The following GLIS1 variants were observed in gnomAD, a reference collection of about 807,000 sequenced individuals.
GLIS1 encodes the protein GLIS family zinc finger 1.
In GLIS1, 24 loss-of-function variants were observed where a neutral mutation model predicts 63.8. That is an observed-to-expected ratio of 0.38 (90% CI 0.27 to 0.53). The LOEUF (loss-of-function observed/expected upper bound fraction) is 0.53, where lower values mean the gene tolerates loss of function less well. Ranked by LOEUF, GLIS1 falls within the 20% of genes least tolerant of loss-of-function variation. GLIS1 has a pLI of 0.85. For missense variants in GLIS1, 1,036 were observed against 1,074.1 expected (o/e 0.96, Z 0.50); for synonymous variants, 450 against 482.5 (o/e 0.93, Z 0.88).
intron 4 of GLIS1, among the ~76,000 whole-genome samples, chr1:53,592,455 G>C (rs1037283580): frequency 1.3e-5 from 2 of 152,100 alleles, no homozygotes; most frequent in African/African-American, 4.8e-5. Context: ...ACCCATAAAA[G>C]AGAATATGTG....
intron 4 of GLIS1, among the ~76,000 whole-genome samples, chr1:53,544,684 T>C (rs1430157637): frequency 1.3e-5 from 2 of 152,182 alleles, no homozygotes; most frequent in African/African-American, 4.8e-5. Flanking sequence ...CCTGTTACAC[T>C]GACCACTTGG....
chr1:53,656,590 C>T (rs1645967913), intron 2 of GLIS1, among the ~76,000 whole-genome samples: 1 of 152,216 alleles, frequency 6.6e-6, no homozygotes, highest in East Asian at 1.9e-4. Context: ...TAGACTTCTC[C>T]TCGTGCGATT....
At chr1:53,692,942 C>G (rs995530751) in intron 2 of GLIS1, among the ~76,000 whole-genome samples, 1 of 152,192 alleles carries the variant, frequency 6.6e-6, no homozygotes, top group African/African-American at 2.4e-5. Flanking sequence ...CTCCCAGGGG[C>G]CCATCCCATC....
chr1:53,635,613 T>C (rs1034285365), intron 2 of GLIS1, among the ~76,000 whole-genome samples: 1 of 148,366 alleles, frequency 6.7e-6, no homozygotes, highest in Non-Finnish European at 1.5e-5. Context: ...ATATAGAAAA[T>C]ATATATACAC....
chr1:53,535,377 C>A (rs1003588770), intron 4 of GLIS1, among the ~76,000 whole-genome samples: 3 of 152,040 alleles, frequency 2.0e-5, no homozygotes, highest in African/African-American at 7.3e-5. Context: ...TTACTAAGCA[C>A]CTACCGTGAG....
chr1:53,712,183 C>T (rs1316347921), intron 2 of GLIS1, among the ~76,000 whole-genome samples: 1 of 152,232 alleles, frequency 6.6e-6, no homozygotes, highest in Non-Finnish European at 1.5e-5. Context: ...TCCCTTCTAC[C>T]AGGCCTTTGC....
intron 4 of GLIS1, among the ~76,000 whole-genome samples, chr1:53,556,638 G>T (rs530799645): frequency 6.8e-6 from 1 of 147,716 alleles, no homozygotes; most frequent in Admixed American, 6.7e-5. Context: ...GTTTGTGTAT[G>T]CAGGTGTACT....
rs551195605 is a variant in GLIS1, at chr1:53,616,291, G to A, written c.260-16013C>T. Among the ~76,000 whole-genome samples, 3 of 152,288 alleles carry A rather than the reference G, an allele frequency of 2.0e-5. No homozygotes were observed. The South Asian group carries it at 6.2e-4, about 32-fold the overall frequency. ...AGCCAGGACAGTAATGGGATGACAAGAAATGCAGAGGAAATGGCTGTTGAA... is the reference window on the plus strand; with the variant it reads ...AGCCAGGACAGTAATGGGATGACAAAAAATGCAGAGGAAATGGCTGTTGAA... On this transcript the variant is annotated intron_variant, in intron 2 of 10. Transcript: ENST00000628545.
intron 2 of GLIS1, among the ~76,000 whole-genome samples, chr1:53,614,883 CTT>C (rs1173215492): frequency 4.7e-5 from 7 of 150,502 alleles, no homozygotes; most frequent in South Asian, 4.3e-4. Flanking sequence ...TACACACTCT[CTT>C]ATACTCACAT....
chr1:53,671,592 G>A lies in GLIS1; in HGVS notation c.259+66214C>T, dbSNP rs190097244. Among the ~76,000 whole-genome samples, 19 of 152,304 alleles carry A rather than the reference G, an allele frequency of 1.2e-4. No individual in the cohort carries two copies. In the East Asian group the frequency reaches 2.3e-3, roughly 19 times the overall value. On this transcript the variant is annotated intron_variant, in intron 2 of 10. Transcript: ENST00000628545. The stretch of plus-strand genomic sequence containing the variant: ...CACAGATTTCACTAAATATAAGAAC[G>A]GTCTTTGAAAGTAGTAAGCTCCCCA...
intron 2 of GLIS1, among the ~76,000 whole-genome samples, chr1:53,670,608 G>A (rs1389849920): frequency 6.6e-6 from 1 of 152,242 alleles, no homozygotes; most frequent in Non-Finnish European, 1.5e-5. Flanking sequence ...AGGGATAAAT[G>A]TTAAGTCCTG....
chr1:53,570,689 C>T (rs1265463486), intron 4 of GLIS1, among the ~76,000 whole-genome samples: 1 of 152,164 alleles, frequency 6.6e-6, no homozygotes, highest in Non-Finnish European at 1.5e-5. Flanking sequence ...AGTGGCACTA[C>T]AGATCACTGG....
rs569649481 is a variant in GLIS1 at position 53,630,443 on chromosome 1, A to G, written c.260-30165T>C. Among the ~76,000 whole-genome samples the G allele has an allele frequency of 4.1e-4, 63 of 152,266 alleles. 1 individual carries two copies. Among genetic ancestry groups the G allele is most frequent in the African/African-American group, 1.4e-3 (59 of 41,548 alleles). ...ACACACTGTCAAACTGCCCTCCAGA[A>G]AGATCAGCCCAATTTATACTCCCAC... On this transcript the variant is annotated intron_variant, in intron 2 of 10. Transcript: ENST00000628545.
intron 2 of GLIS1, among the ~76,000 whole-genome samples, chr1:53,664,528 A>G (rs1646067054): frequency 6.6e-6 from 1 of 152,256 alleles, no homozygotes; most frequent in Non-Finnish European, 1.5e-5. Flanking sequence ...GCAAAGTTCT[A>G]AGTAGTTTTC....
intron 2 of GLIS1, among the ~76,000 whole-genome samples, chr1:53,647,029 T>G (rs1645854239): frequency 6.6e-6 from 1 of 151,960 alleles, no homozygotes; most frequent in Non-Finnish European, 1.5e-5. Flanking sequence ...AAAATTGAGA[T>G]AAATTAAGGA....
At chr1:53,587,245 G>A (rs375352660) in intron 4 of GLIS1, among the ~76,000 whole-genome samples, 1 of 152,188 alleles carries the variant, frequency 6.6e-6, no homozygotes, top group South Asian at 2.1e-4. Flanking sequence ...ATGACATGAG[G>A]CCATGGTGCC....
intron 2 of GLIS1, among the ~76,000 whole-genome samples, chr1:53,719,564 A>T (rs2100546046): frequency 6.6e-6 from 1 of 152,296 alleles, no homozygotes; most frequent in African/African-American, 2.4e-5. Context: ...AGCCAGACCC[A>T]CAATGCCTAC....
At chr1:53,540,615 GA>G (rs1644634022) in intron 4 of GLIS1, among the ~76,000 whole-genome samples, 1 of 152,192 alleles carries the variant, frequency 6.6e-6, no homozygotes, top group South Asian at 2.1e-4. Flanking sequence ...AATAGCAGGA[GA>G]GGGGTGGTGA....
At chr1:53,628,244 G>C (rs1645616361) in intron 2 of GLIS1, among the ~76,000 whole-genome samples, 1 of 152,194 alleles carries the variant, frequency 6.6e-6, no homozygotes, top group South Asian at 2.1e-4. Flanking sequence ...GATCTCAATA[G>C]TGTGCCCCAG....
Sources: allele counts gnomAD v4.1 joint callset (sites outside exome capture counted in the v4.1 genomes callset), GRCh38; gene constraint gnomAD v4.1.1; transcripts MANE v1.5; gene names NCBI Gene and HGNC (gene_info 2026-07-23, HGNC 2026-07-21).